Variants in KIAA1328 observed in about 807,000 individuals in gnomAD.
The protein encoded by KIAA1328 is protein hinderin.
Under a neutral mutation model 68.1 loss-of-function variants are expected in KIAA1328, and 52 were observed. The ratio of observed to expected loss-of-function variants is 0.76; its 90% confidence interval spans 0.61 to 0.96. The LOEUF is 0.96. Among genes scored for constraint, KIAA1328 ranks in the 40% least tolerant of loss-of-function variants. KIAA1328 has a pLI of 0.00. For synonymous variants in KIAA1328, 232 were observed against 239.4 expected (o/e 0.97, Z 0.28); for missense variants, 641 against 677.6 (o/e 0.95, Z 0.60).
At chr18:37,195,635 A>G (rs2059989815) in intron 9 of KIAA1328, among the ~76,000 whole-genome samples, 1 of 152,160 alleles carries the variant, frequency 6.6e-6, no homozygotes, top group African/African-American at 2.4e-5. Flanking sequence ...CTGGTTTGCT[A>G]TTCTGTTCCA....
intron 4 of KIAA1328, among the ~76,000 whole-genome samples, chr18:36,878,381 C>T (rs1320258040): frequency 2.0e-5 from 3 of 152,138 alleles, no homozygotes; most frequent in Non-Finnish European, 2.9e-5. Flanking sequence ...CAGAAAGATC[C>T]GTTGTTAGTC....
At chr18:36,947,113 G>C (rs1038936102) in intron 5 of KIAA1328, among the ~76,000 whole-genome samples, 2 of 152,116 alleles carry the variant, frequency 1.3e-5, no homozygotes, top group South Asian at 2.1e-4. Flanking sequence ...GCAGTGAGCC[G>C]AGATCACGCC....
intron 9 of KIAA1328, among the ~76,000 whole-genome samples, chr18:37,189,227 A>G (rs1349545705): frequency 6.6e-6 from 1 of 152,256 alleles, no homozygotes; most frequent in Non-Finnish European, 1.5e-5. Flanking sequence ...GTATTTAGGT[A>G]TAAAAAGCAA....
At chr18:36,965,595 T>A (rs1477900065) in intron 6 of KIAA1328, among the ~76,000 whole-genome samples, 1 of 148,772 alleles carries the variant, frequency 6.7e-6, no homozygotes, top group Admixed American at 6.7e-5. Context: ...GGTCTCAGAC[T>A]CCTGACCTCA....
intron 6 of KIAA1328, among the ~76,000 whole-genome samples, chr18:36,971,035 A>G (rs890720130): frequency 6.6e-6 from 1 of 152,232 alleles, no homozygotes; most frequent in Admixed American, 6.5e-5. Flanking sequence ...GCATCATGCT[A>G]CCTGACTTCA....
intron 4 of KIAA1328, among the ~76,000 whole-genome samples, chr18:36,881,091 CTATGAACTAAAAGTGATAACCAG>C (rs1466255102): frequency 6.7e-6 from 1 of 149,484 alleles, no homozygotes; most frequent in Non-Finnish European, 1.5e-5. Context: ...AAATGAGTAT[CTATGAACTAAAAGTGATAACCAG>C]TAAGTATTAG....
At chr18:36,971,379 A>G (rs1459392503) in intron 6 of KIAA1328, among the ~76,000 whole-genome samples, 1 of 152,134 alleles carries the variant, frequency 6.6e-6, no homozygotes, top group Non-Finnish European at 1.5e-5. Flanking sequence ...TTCACGACAT[A>G]GGCACTTTGG....
At chr18:37,228,993 A>G (rs919805777), downstream of KIAA1328, among the ~76,000 whole-genome samples, 3 of 152,236 alleles carry the variant, frequency 2.0e-5, no homozygotes, top group East Asian at 1.9e-4. Context: ...TAACTTTTAT[A>G]TGCACTGGGA....
intron 6 of KIAA1328, among the ~76,000 whole-genome samples, chr18:37,044,458 G>T (rs2055383313): frequency 6.6e-6 from 1 of 152,040 alleles, no homozygotes; most frequent in Non-Finnish European, 1.5e-5. Context: ...AAACCACATA[G>T]TAAAAAACAC....
chr18:37,136,291 G>T (rs1407768729), intron 7 of KIAA1328, among the ~76,000 whole-genome samples: 1 of 151,866 alleles, frequency 6.6e-6, no homozygotes, highest in East Asian at 1.9e-4. Flanking sequence ...ATAGGACTTT[G>T]GTACCATATA....
intron 4 of KIAA1328, among the ~76,000 whole-genome samples, chr18:36,864,594 G>GTTTTT (rs80149272): frequency 7.7e-6 from 1 of 129,840 alleles, no homozygotes; most frequent in South Asian, 2.4e-4. Context: ...GTGGTCAGTA[G>GTTTTT]TTTTTTTTTT....
chr18:36,974,208 C>T (rs8097768), intron 6 of KIAA1328, among the ~76,000 whole-genome samples: 111,330 of 151,974 alleles, frequency 0.73, 43,918 homozygotes, highest in South Asian at 0.89. Flanking sequence ...AGTATAGTTT[C>T]GTTACATGGC....
At chr18:37,000,073 T>TA (rs142439737) in intron 6 of KIAA1328, among the ~76,000 whole-genome samples, 275 of 150,598 alleles carry the variant, frequency 1.8e-3, no homozygotes, top group Non-Finnish European at 2.5e-3. Flanking sequence ...TTTAAATGGA[T>TA]AAAAAAAAAT....
intron 9 of KIAA1328, among the ~76,000 whole-genome samples, chr18:37,218,487 T>C (rs1434992655): frequency 6.6e-6 from 1 of 152,088 alleles, no homozygotes; most frequent in Non-Finnish European, 1.5e-5. Flanking sequence ...TGGCTGGCAA[T>C]TAAGGAGACA....
At position 37,224,915 on chromosome 18, in the gene KIAA1328, C is replaced by G. The variant is rs887773358; in HGVS notation, c.*2688C>G. ...GTCCTTTGAACTCCCTAAGTAAGGC[C>G]CACAGTTCTTGATGCAGAGAACCAA... On this transcript the variant is annotated 3_prime_UTR_variant, in exon 10 of 10. Transcript: ENST00000280020. 13 of 985,284 alleles carry G rather than the reference C, an allele frequency of 1.3e-5. No homozygotes were observed. Among genetic ancestry groups the G allele is most frequent in the Non-Finnish European group, 1.6e-5 (13 of 829,942 alleles). The allele number at this position is 985,284 out of a possible 1,614,324, so 61.0% of individuals were successfully genotyped here.
chr18:37,001,227 AG>A (rs1181885550), intron 6 of KIAA1328, among the ~76,000 whole-genome samples: 1 of 152,158 alleles, frequency 6.6e-6, no homozygotes, highest in Non-Finnish European at 1.5e-5. Flanking sequence ...AAGGATCATC[AG>A]GGCCAGTTTT....
At chr18:37,109,262 A>T (rs940795073) in intron 7 of KIAA1328, among the ~76,000 whole-genome samples, 27 of 152,214 alleles carry the variant, frequency 1.8e-4, no homozygotes, top group African/African-American at 5.5e-4. Flanking sequence ...TTTTAAAATG[A>T]TAGCTAATAG....
intron 5 of KIAA1328, among the ~76,000 whole-genome samples, chr18:36,939,291 A>G (rs2050619685): frequency 6.6e-6 from 1 of 152,104 alleles, no homozygotes; most frequent in Non-Finnish European, 1.5e-5. Context: ...TTTTGGTATA[A>G]CAGATATTTC....
At chr18:36,901,236 G>A (rs1278264094) in intron 5 of KIAA1328, among the ~76,000 whole-genome samples, 1 of 151,968 alleles carries the variant, frequency 6.6e-6, no homozygotes, top group Non-Finnish European at 1.5e-5. Context: ...TATGGTGGAA[G>A]CTGTTATGTT....
Sources: gnomAD v4.1 joint callset for allele counts (sites outside exome capture counted in the v4.1 genomes callset) on GRCh38, gnomAD v4.1.1 for gene constraint, MANE v1.5 for transcripts, NCBI Gene and HGNC (gene_info 2026-07-23, HGNC 2026-07-21) for gene names.